ELOVL6: variants seen among roughly 807,000 people sequenced by gnomAD.
ELOVL6 encodes ELOVL fatty acid elongase 6.
A neutral mutation model predicts 31.7 loss-of-function variants in ELOVL6; 8 were observed. The ratio of observed to expected loss-of-function variants is 0.25; its 90% CI spans 0.15 to 0.45. The LOEUF (loss-of-function observed/expected upper bound fraction) is 0.45. Among genes scored for constraint, ELOVL6 ranks in the 20% least tolerant of loss-of-function variants. The pLI, the probability that ELOVL6 is intolerant of heterozygous loss-of-function variation, is 1.00. For synonymous variants in ELOVL6, 101 were observed against 117.7 expected (o/e 0.86, Z 0.92); for missense variants, 126 against 326.4 (o/e 0.39, Z 4.73).
At chr4:110,195,985 G>C (rs1008595627) in intron 1 of ELOVL6, among the ~76,000 whole-genome samples, 1 of 152,180 alleles carries the variant, frequency 6.6e-6, no homozygotes. Flanking sequence ...AACCTAACAG[G>C]AGTAGATACG....
At chr4:110,176,672 C>A (rs1334962354) in intron 1 of ELOVL6, among the ~76,000 whole-genome samples, 2 of 152,218 alleles carry the variant, frequency 1.3e-5, no homozygotes, top group African/African-American at 2.4e-5. Context: ...GGCAATGTGC[C>A]TGGCCCTTGA....
chr4:110,095,746 C>G (rs1317892272), intron 2 of ELOVL6, among the ~76,000 whole-genome samples: 1 of 152,098 alleles, frequency 6.6e-6, no homozygotes, highest in Non-Finnish European at 1.5e-5. Context: ...AGGACAGCAA[C>G]TAGTGGTTGC....
At chr4:110,116,680 C>T (rs1045189553) in intron 1 of ELOVL6, among the ~76,000 whole-genome samples, 1 of 152,234 alleles carries the variant, frequency 6.6e-6, no homozygotes, top group African/African-American at 2.4e-5. Context: ...TGTAACCATT[C>T]TCTTAATCCC....
At chr4:110,088,289 G>C (rs1260748299) in intron 2 of ELOVL6, among the ~76,000 whole-genome samples, 2 of 152,176 alleles carry the variant, frequency 1.3e-5, no homozygotes, top group Non-Finnish European at 2.9e-5. Flanking sequence ...AGGGCTGGGT[G>C]CAGATAACCC....
intron 2 of ELOVL6, among the ~76,000 whole-genome samples, chr4:110,084,384 TC>T (rs1560815136): frequency 5.9e-5 from 3 of 50,538 alleles, no homozygotes; most frequent in African/African-American, 1.5e-4. Context: ...ATGATATATA[TC>T]GCATATATGA....
chr4:110,077,026 C>T (rs979219011), intron 2 of ELOVL6, among the ~76,000 whole-genome samples: 53 of 152,282 alleles, frequency 3.5e-4, no homozygotes, highest in Middle Eastern at 3.4e-3. Context: ...AAGGCCGCAG[C>T]GAGGCTGGGA....
At chr4:110,070,900 G>A (rs1195102756) in intron 2 of ELOVL6, among the ~76,000 whole-genome samples, 1 of 152,050 alleles carries the variant, frequency 6.6e-6, no homozygotes, top group Non-Finnish European at 1.5e-5. Context: ...AAATTAATCA[G>A]CCTCAGGTAG....
chr4:110,134,405 A>T (rs1312891747), intron 1 of ELOVL6, among the ~76,000 whole-genome samples: 1 of 152,214 alleles, frequency 6.6e-6, no homozygotes, highest in Non-Finnish European at 1.5e-5. Context: ...TCTTACCCTC[A>T]GGAGTCACTA....
At chr4:110,081,170 A>C (rs1755832844) in intron 2 of ELOVL6, among the ~76,000 whole-genome samples, 2 of 152,152 alleles carry the variant, frequency 1.3e-5, no homozygotes, top group Non-Finnish European at 2.9e-5. Flanking sequence ...ATACTGCCCA[A>C]GGTAATTTAT....
At chr4:110,191,996 CCTGA>C (rs1185931052) in intron 1 of ELOVL6, among the ~76,000 whole-genome samples, 2 of 152,020 alleles carry the variant, frequency 1.3e-5, no homozygotes, top group East Asian at 3.9e-4. Context: ...TCGAGACCAG[CCTGA>C]CTAACATGGT....
chr4:110,146,489 A>C (rs1289253365), intron 1 of ELOVL6: 1 of 153,136 alleles, frequency 6.5e-6, no homozygotes, highest in Non-Finnish European at 1.5e-5. Flanking sequence ...CATATACAAA[A>C]AGCCACTAAG....
chr4:110,108,805 A>T (rs1300267268), intron 1 of ELOVL6, among the ~76,000 whole-genome samples: 1 of 152,196 alleles, frequency 6.6e-6, no homozygotes, highest in African/African-American at 2.4e-5. Flanking sequence ...TGATCAAAGT[A>T]AGTTTTTCAT....
chr4:110,072,233 T>G (rs1325724706), intron 2 of ELOVL6, among the ~76,000 whole-genome samples: 1 of 152,164 alleles, frequency 6.6e-6, no homozygotes, highest in African/African-American at 2.4e-5. Flanking sequence ...ATCCCAGCAC[T>G]TTGGGAGGCC....
At chr4:110,056,124 G>GGGGA (rs1553953510) in intron 3 of ELOVL6, among the ~76,000 whole-genome samples, 2 of 134,060 alleles carry the variant, frequency 1.5e-5, no homozygotes, top group Non-Finnish European at 3.1e-5. Context: ...GTGGGAGCTG[G>GGGGA]GGGGGGGGAT....
chr4:110,193,776 T>C (rs995557159), intron 1 of ELOVL6, among the ~76,000 whole-genome samples: 26 of 152,082 alleles, frequency 1.7e-4, no homozygotes, highest in African/African-American at 5.6e-4. Context: ...GTAAACCCTT[T>C]TACACCACCA....
intron 1 of ELOVL6, among the ~76,000 whole-genome samples, chr4:110,158,655 A>ATTTTTTTTTT (rs1365076499): frequency 3.9e-5 from 3 of 76,200 alleles, no homozygotes; most frequent in Non-Finnish European, 6.9e-5. Context: ...ATATATATAT[A>ATTTTTTTTTT]TATTTTTTTT....
chr4:110,135,673 TTC>T (rs1429307619), intron 1 of ELOVL6, among the ~76,000 whole-genome samples: 1 of 152,206 alleles, frequency 6.6e-6, no homozygotes, highest in African/African-American at 2.4e-5. Context: ...TCTCTTTCCC[TTC>T]TGTCTCCTCT....
At position 110,051,205 on chromosome 4, in the gene ELOVL6, C is replaced by G. The variant is rs1754828010; in HGVS notation, c.*133G>C. 1 of 929,616 alleles carries G rather than the reference C, an allele frequency of 1.1e-6. No homozygotes were observed. The highest frequency in any genetic ancestry group is 1.6e-6 in the Non-Finnish European group (1 of 618,282). The allele number at this position is 929,616 out of a possible 1,614,324, so 57.6% of individuals were successfully genotyped here. A position where few individuals can be genotyped will look rare whatever the true frequency, so the allele number is the denominator to read the frequency against. On this transcript the variant is annotated 3_prime_UTR_variant, in exon 4 of 4. Coordinates refer to ENST00000302274, the MANE Select transcript of ELOVL6 (RefSeq NM_024090.3). This position sits in a 1 kb window ranked among gnomAD's most constrained non-coding sequence, Gnocchi z 4.8. ...TTAAATCAACCTAATTATCCCTAAG[C>G]TGCCTTGGGTTTTGTGTTTGCTCAT...
chr4:110,129,990 C>A (rs186963541), intron 1 of ELOVL6, among the ~76,000 whole-genome samples: 1 of 150,754 alleles, frequency 6.6e-6, no homozygotes, highest in African/African-American at 2.4e-5. Context: ...CTCTGCCTCC[C>A]GGGTTCAAGC....
Sources: gnomAD v4.1 joint callset for allele counts (sites outside exome capture counted in the v4.1 genomes callset) on GRCh38, gnomAD v4.1.1 for gene constraint, Gnocchi (gnomAD v3.1) non-coding constraint, MANE v1.5 for transcripts, NCBI Gene and HGNC (gene_info 2026-07-23, HGNC 2026-07-21) for gene names.